DNER: variants seen among roughly 807,000 people sequenced by gnomAD.
DNER encodes the protein delta and Notch-like epidermal growth factor-related receptor.
In DNER, 33 loss-of-function variants were observed where a neutral mutation model predicts 78.2. That is an observed-to-expected ratio of 0.42 (90% CI 0.32 to 0.56). The LOEUF is 0.56. Among genes scored for constraint, DNER ranks in the 20% least tolerant of loss-of-function variants. DNER has a pLI of 0.11. For missense variants in DNER, 918 were observed against 975.3 expected, an observed-to-expected ratio of 0.94 and a Z score of 0.78; for synonymous variants, 417 against 384.8, an observed-to-expected ratio of 1.08 and a Z score of -0.98.
rs1471268377 is a variant in DNER, at chr2:229,407,084, A to T, written c.1723+148T>A. On this transcript the variant is annotated intron_variant, in intron 10 of 12. Coordinates refer to ENST00000341772, the MANE Select transcript of DNER (RefSeq NM_139072.4). ...CACACAATGGGTTGTTTTAAAATAG[A>T]TCTTCATCCAAGCCATGCCTCCTTA... 17 of 691,936 alleles carry T rather than the reference A, an allele frequency of 2.5e-5. No individual in the cohort carries two copies. The East Asian group carries it at 4.2e-4, about 17-fold the overall frequency. The allele number at this position is 691,936 out of a possible 1,614,324, so 42.9% of individuals were successfully genotyped here. A position where few individuals can be genotyped will look rare whatever the true frequency, so the allele number is the denominator to read the frequency against.
chr2:229,549,554 C>A (rs945566538), intron 4 of DNER, among the ~76,000 whole-genome samples: 1 of 152,198 alleles, frequency 6.6e-6, no homozygotes, highest in African/African-American at 2.4e-5. Context: ...CCGTCTTGGC[C>A]TCCCAAAGTG....
intron 7 of DNER, among the ~76,000 whole-genome samples, chr2:229,457,933 C>T (rs946489509): frequency 4.6e-5 from 7 of 151,328 alleles, no homozygotes; most frequent in Admixed American, 6.6e-5. Context: ...GTGAGGAGTT[C>T]GAGACCAGCC....
chr2:229,378,023 T>C (rs748676549), intron 11 of DNER, among the ~76,000 whole-genome samples: 12 of 152,086 alleles, frequency 7.9e-5, no homozygotes, highest in Non-Finnish European at 1.3e-4. Flanking sequence ...GTAGGAGAGT[T>C]GACAATTGAG....
intron 1 of DNER, among the ~76,000 whole-genome samples, chr2:229,634,874 C>A (rs1486347266): frequency 6.6e-6 from 1 of 152,178 alleles, no homozygotes; most frequent in African/African-American, 2.4e-5. Flanking sequence ...CCTTTCCCCC[C>A]ACCAATGGAA....
At chr2:229,626,345 A>G (rs574945780) in intron 1 of DNER, among the ~76,000 whole-genome samples, 1 of 152,338 alleles carries the variant, frequency 6.6e-6, no homozygotes, top group East Asian at 1.9e-4. Flanking sequence ...ACTCCGAACA[A>G]CTCATCAGAA....
At chr2:229,593,775 A>G (rs776493279) in intron 1 of DNER, among the ~76,000 whole-genome samples, 2 of 152,242 alleles carry the variant, frequency 1.3e-5, no homozygotes, top group Non-Finnish European at 2.9e-5. Context: ...GAAGAATTTT[A>G]TTCACGTGAA....
intron 6 of DNER, among the ~76,000 whole-genome samples, chr2:229,505,363 G>A (rs1425520821): frequency 1.3e-5 from 2 of 152,182 alleles, no homozygotes; most frequent in Non-Finnish European, 2.9e-5. Context: ...TCAGATAGAT[G>A]AGCAAAGAGG....
intron 1 of DNER, among the ~76,000 whole-genome samples, chr2:229,690,713 G>A (rs2154217379): frequency 6.6e-6 from 1 of 152,290 alleles, no homozygotes. Context: ...TTAAGTTCCA[G>A]CAAGAGACAG....
chr2:229,602,263 A>C (rs1156753240), intron 1 of DNER, among the ~76,000 whole-genome samples: 2 of 152,232 alleles, frequency 1.3e-5, no homozygotes, highest in African/African-American at 4.8e-5. Context: ...CAATGCAGAA[A>C]AAACTCTTAT....
At chr2:229,403,814 G>C (rs762716851) in intron 10 of DNER, among the ~76,000 whole-genome samples, 4 of 152,026 alleles carry the variant, frequency 2.6e-5, no homozygotes, top group Non-Finnish European at 4.4e-5. Context: ...GCACCTTACT[G>C]AGAAGAGCGT....
At chr2:229,390,037 T>C (rs1438974513) in intron 10 of DNER, among the ~76,000 whole-genome samples, 1 of 152,200 alleles carries the variant, frequency 6.6e-6, no homozygotes, top group Non-Finnish European at 1.5e-5. Flanking sequence ...GGCAGACTGG[T>C]TGAAGGGACA....
chr2:229,409,169 C>T (rs1693453115), intron 9 of DNER, among the ~76,000 whole-genome samples: 1 of 152,118 alleles, frequency 6.6e-6, no homozygotes, highest in South Asian at 2.1e-4. Context: ...TTTTACTTTC[C>T]TACTGATACA....
At position 229,601,537 on chromosome 2, in the gene DNER, T is replaced by G. The variant is rs552038678; in HGVS notation, c.277-9649A>C. 1.1e-4 allele frequency among the ~76,000 whole-genome samples: 16 copies of G among 152,344 alleles called. No homozygotes were observed. The East Asian group carries it at 3.1e-3, about 29-fold the overall frequency. ...AACTCTACATCAATTCAAAAAATTA[T>G]TCCAAGACTAATTTGGTCAGTCCAT... On this transcript the variant is annotated intron_variant, in intron 1 of 12. Coordinates refer to ENST00000341772, the MANE Select transcript of DNER (RefSeq NM_139072.4).
At chr2:229,410,131 G>A (rs376817129) in intron 9 of DNER, among the ~76,000 whole-genome samples, 2 of 151,934 alleles carry the variant, frequency 1.3e-5, no homozygotes, top group Admixed American at 6.6e-5. Flanking sequence ...CCTGATCTTC[G>A]CATATTTAAC....
At chr2:229,528,942 A>G (rs749922903) in intron 5 of DNER, among the ~76,000 whole-genome samples, 5 of 152,226 alleles carry the variant, frequency 3.3e-5, no homozygotes, top group Non-Finnish European at 7.3e-5. Context: ...GCTTCCTACC[A>G]GGGCATAGCA....
chr2:229,366,025 T>C (rs1280154645), intron 12 of DNER, among the ~76,000 whole-genome samples: 3 of 152,224 alleles, frequency 2.0e-5, no homozygotes, highest in Non-Finnish European at 4.4e-5. Flanking sequence ...GAAGTAAATA[T>C]GGGGTTTTCT....
At chr2:229,368,680 T>C (rs1692406556) in intron 11 of DNER, among the ~76,000 whole-genome samples, 1 of 152,176 alleles carries the variant, frequency 6.6e-6, no homozygotes, top group South Asian at 2.1e-4. Context: ...TAAACTAAGC[T>C]CTTTAAAAAC....
chr2:229,393,442 A>G (rs962770490), intron 10 of DNER, among the ~76,000 whole-genome samples: 1 of 151,760 alleles, frequency 6.6e-6, no homozygotes, highest in Non-Finnish European at 1.5e-5. Flanking sequence ...AATAAAAATA[A>G]AAATAAAAAA....
intron 1 of DNER, among the ~76,000 whole-genome samples, chr2:229,668,536 GTATATATATATATATA>G (rs1163016191): frequency 5.6e-4 from 4 of 7,100 alleles, no homozygotes; most frequent in South Asian, 0.012. Context: ...GTGTGTGTGT[GTATATATATATATATA>G]TATATATATA....
Sources: gnomAD v4.1 joint callset for allele counts (sites outside exome capture counted in the v4.1 genomes callset) on GRCh38, gnomAD v4.1.1 for gene constraint, MANE v1.5 for transcripts, NCBI Gene and HGNC (gene_info 2026-07-23, HGNC 2026-07-21) for gene names.